STK4: variants seen among roughly 807,000 people sequenced by gnomAD.
STK4 encodes serine/threonine-protein kinase 4.
A neutral mutation model predicts 64.9 loss-of-function variants in STK4; 30 were observed. That is an observed-to-expected ratio of 0.46 (90% CI 0.35 to 0.63). The LOEUF (loss-of-function observed/expected upper bound fraction) is 0.63. STK4 is among the 20% of genes least tolerant of loss of function. The pLI is 0.01. For synonymous variants in STK4, 177 were observed against 199.0 expected, an observed-to-expected ratio of 0.89 and a Z score of 0.93; for missense variants, 466 against 598.5, an observed-to-expected ratio of 0.78 and a Z score of 2.31.
At chr20:45,022,411 A>G (rs2068264084) in intron 9 of STK4, among the ~76,000 whole-genome samples, 3 of 152,208 alleles carry the variant, frequency 2.0e-5, no homozygotes, top group Admixed American at 6.5e-5. Context: ...GTTGAAAGAG[A>G]CAAAGAACAG....
chr20:45,075,979 AGAG>A lies in STK4; in HGVS notation c.*807_*809del. 6.5e-6 allele frequency: 1 copy of A among 152,792 alleles called. No homozygotes were observed. Among genetic ancestry groups the A allele is most frequent in the East Asian group, 1.9e-4 (1 of 5,188 alleles). The allele number at this position is 152,792 out of a possible 1,614,324, so 9.5% of individuals were successfully genotyped here. A position where few individuals can be genotyped will look rare whatever the true frequency, so the allele number is the denominator to read the frequency against. Reference sequence around the variant, plus strand: ...AGCACAGATACTGCCCAGTGCCTTAAGAGGAGACATGATCTCTACCAGGGACTC... The same window carrying A: ...AGCACAGATACTGCCCAGTGCCTTAAGAGACATGATCTCTACCAGGGACTC... On this transcript the variant is annotated 3_prime_UTR_variant, in exon 11 of 11. Coordinates refer to ENST00000372806, the MANE Select transcript of STK4 (RefSeq NM_006282.5).
intron 9 of STK4, among the ~76,000 whole-genome samples, chr20:45,017,613 G>T (rs2068166079): frequency 6.6e-6 from 1 of 152,066 alleles, no homozygotes; most frequent in South Asian, 2.1e-4. Flanking sequence ...TTGTTAATAG[G>T]GTATCTGAAG....
At chr20:44,979,656 G>A (rs1024453530) in intron 3 of STK4, among the ~76,000 whole-genome samples, 16 of 152,200 alleles carry the variant, frequency 1.1e-4, no homozygotes, top group Non-Finnish European at 2.2e-4. Flanking sequence ...AGTACCTGCT[G>A]TTTGCAAAAC....
intron 9 of STK4, among the ~76,000 whole-genome samples, chr20:45,012,098 C>T (rs1311220597): frequency 8.0e-5 from 12 of 150,678 alleles, no homozygotes; most frequent in African/African-American, 2.4e-4. Context: ...TGCAGTGGCG[C>T]GATCTCAGCT....
At chr20:45,051,549 T>A (rs1189499992) in intron 10 of STK4, among the ~76,000 whole-genome samples, 1 of 152,214 alleles carries the variant, frequency 6.6e-6, no homozygotes, top group Non-Finnish European at 1.5e-5. Context: ...TTCTCTTGTA[T>A]AGTGGGATTT....
At chr20:45,034,940 G>A (rs2068503990) in intron 10 of STK4, among the ~76,000 whole-genome samples, 1 of 151,772 alleles carries the variant, frequency 6.6e-6, no homozygotes, top group African/African-American at 2.4e-5. Flanking sequence ...AACAACAAAA[G>A]ATCAATGTTA....
chr20:45,014,112 G>T (rs967925798), intron 9 of STK4, among the ~76,000 whole-genome samples: 2 of 151,954 alleles, frequency 1.3e-5, no homozygotes, highest in African/African-American at 4.8e-5. Context: ...ATGAAATAGG[G>T]TGTTAATATT....
At chr20:44,981,374 C>T (rs1234507180) in intron 3 of STK4, among the ~76,000 whole-genome samples, 2 of 151,902 alleles carry the variant, frequency 1.3e-5, no homozygotes, top group Non-Finnish European at 2.9e-5. Flanking sequence ...AGGCTGGTCA[C>T]GAACTCCTGA....
At chr20:45,035,885 A>G (rs2068519895) in intron 10 of STK4, among the ~76,000 whole-genome samples, 1 of 152,214 alleles carries the variant, frequency 6.6e-6, no homozygotes, top group Admixed American at 6.5e-5. Flanking sequence ...GATAGCTTAC[A>G]TTTATTGAAA....
intron 4 of STK4, among the ~76,000 whole-genome samples, chr20:44,984,887 T>C (rs533316956): frequency 1.3e-5 from 2 of 152,208 alleles, no homozygotes; most frequent in South Asian, 4.2e-4. Flanking sequence ...GCTCAAGTGA[T>C]CCTCCTGCCT....
At chr20:45,032,602 T>C (rs1463804853) in intron 10 of STK4, among the ~76,000 whole-genome samples, 1 of 152,222 alleles carries the variant, frequency 6.6e-6, no homozygotes, top group African/African-American at 2.4e-5. Flanking sequence ...GGATGTGATC[T>C]TGCTCGTTTC....
chr20:45,051,717 A>C (rs2068779863), intron 10 of STK4, among the ~76,000 whole-genome samples: 1 of 152,168 alleles, frequency 6.6e-6, no homozygotes, highest in Non-Finnish European at 1.5e-5. Context: ...ACTATCCTAA[A>C]TTATTATAGT....
chr20:44,995,100 C>G lies in STK4; in HGVS notation c.536C>G (p.Ala179Gly). 1 of 1,600,710 alleles carries G rather than the reference C, an allele frequency of 6.2e-7. No individual in the cohort carries two copies. Among genetic ancestry groups the G allele is most frequent in the Admixed American group, 1.7e-5 (1 of 58,784 alleles). Residue 179 changes from alanine to glycine, a missense_variant, in exon 6 of 11, where the codon GCC becomes GGC. Transcript: ENST00000372806. ...GVAGQLTDTMAKRNTVIGTPF... is the reference protein window; with the variant it reads ...GVAGQLTDTMGKRNTVIGTPF... ...CCCTTTCTATTTTAGGATACCATGGCCAAGCGGAATACAGTGATAGGAACA... is the reference window on the plus strand; with the variant it reads ...CCCTTTCTATTTTAGGATACCATGGGCAAGCGGAATACAGTGATAGGAACA...
chr20:45,034,565 G>T (rs1431118757), intron 10 of STK4, among the ~76,000 whole-genome samples: 1 of 152,088 alleles, frequency 6.6e-6, no homozygotes, highest in Non-Finnish European at 1.5e-5. Flanking sequence ...TTCTTTCAGA[G>T]ACCAAAACAT....
intron 1 of STK4, among the ~76,000 whole-genome samples, chr20:44,969,384 A>G (rs1258993595): frequency 6.6e-6 from 1 of 152,240 alleles, no homozygotes; most frequent in Non-Finnish European, 1.5e-5. Context: ...GTAAGTGACT[A>G]CTTCATAGAC....
intron 4 of STK4, 134 bp from the exon 5 acceptor site, chr20:44,986,998 T>C: frequency 1.5e-6 from 1 of 664,982 alleles, no homozygotes; most frequent in Non-Finnish European, 2.5e-6. Context: ...ATCTATGGTA[T>C]AAGCAGTCAA....
chr20:45,058,732 T>C (rs1436363594), intron 10 of STK4, among the ~76,000 whole-genome samples: 1 of 152,184 alleles, frequency 6.6e-6, no homozygotes, highest in Non-Finnish European at 1.5e-5. Flanking sequence ...TTTCCTGAAT[T>C]ATTAAGCTGC....
At chr20:45,050,891 A>G (rs1388926409) in intron 10 of STK4, among the ~76,000 whole-genome samples, 1 of 152,096 alleles carries the variant, frequency 6.6e-6, no homozygotes, top group Non-Finnish European at 1.5e-5. Flanking sequence ...TTTCTTTCTC[A>G]ATATTTAATC....
At chr20:44,974,762 C>T (rs1211774685) in intron 2 of STK4, 1 of 152,228 alleles carries the variant, frequency 6.6e-6, no homozygotes, top group African/African-American at 2.4e-5. Flanking sequence ...AGCCACCACG[C>T]CTGGCCAATG....
Sources: allele counts gnomAD v4.1 joint callset (sites outside exome capture counted in the v4.1 genomes callset), GRCh38; gene constraint gnomAD v4.1.1; transcripts MANE v1.5; gene names NCBI Gene and HGNC (gene_info 2026-07-23, HGNC 2026-07-21).